Variants in RGS12 observed in about 807,000 individuals in gnomAD.
RGS12 encodes regulator of G protein signaling 12.
A neutral mutation model predicts 120.1 loss-of-function variants in RGS12; 66 were observed. That is an observed-to-expected ratio of 0.55 (90% CI 0.45 to 0.67). The LOEUF is 0.67. Among genes scored for constraint, RGS12 ranks in the 30% least tolerant of loss-of-function variants. RGS12 has a pLI of 0.00. For synonymous variants in RGS12, 827 were observed against 804.7 expected, an observed-to-expected ratio of 1.03 and a Z score of -0.47; for missense variants, 1,859 against 1,957.7, an observed-to-expected ratio of 0.95 and a Z score of 0.95.
chr4:3,420,757 G>T, intron 10 of RGS12, 39 bp downstream of exon 10: 1 of 1,549,046 alleles, frequency 6.5e-7, no homozygotes. Flanking sequence ...GGCCTCAGGG[G>T]TGTCCCCACC....
At position 3,366,020 on chromosome 4, in the gene RGS12, C is replaced by T. The variant is rs1264458582; in HGVS notation, c.1999-20396C>T. 2.0e-5 allele frequency among the ~76,000 whole-genome samples: 3 copies of T among 152,212 alleles called. No individual in the cohort carries two copies. Among genetic ancestry groups the T allele is most frequent in the Non-Finnish European group, 2.9e-5 (2 of 68,008 alleles). On this transcript the variant is annotated intron_variant, in intron 3 of 17. Coordinates refer to ENST00000336727, the MANE Select transcript of RGS12 (RefSeq NM_001394154.1). This position sits in a 1 kb window ranked among gnomAD's most constrained non-coding sequence, Gnocchi z 4.0. ...GTCCTGGATGGGCTGCATGGGGCAC[C>T]GTTGCGTGGGGCGTGCTCGAGGTGG... is the stretch of plus-strand genomic sequence containing the variant.
At chr4:3,327,496 C>T (rs1725631660) in intron 2 of RGS12, among the ~76,000 whole-genome samples, 1 of 152,154 alleles carries the variant, frequency 6.6e-6, no homozygotes, top group African/African-American at 2.4e-5. Flanking sequence ...AGATAGCCTG[C>T]AGGATGGAAG....
chr4:3,334,149 G>A (rs76589168), intron 2 of RGS12, among the ~76,000 whole-genome samples: 5,828 of 152,298 alleles, frequency 0.038, 291 homozygotes, highest in African/African-American at 0.12. Context: ...CTTATGATAT[G>A]TGGAAGTATA....
intron 9 of RGS12, chr4:3,418,956 G>T (rs1316537246): frequency 6.6e-6 from 1 of 150,510 alleles, no homozygotes; most frequent in East Asian, 2.0e-4. Context: ...CGAGGCAGGC[G>T]GATTGCCTGA....
intron 3 of RGS12, among the ~76,000 whole-genome samples, chr4:3,368,976 C>T (rs951071455): frequency 3.3e-5 from 5 of 151,828 alleles, no homozygotes; most frequent in Admixed American, 2.6e-4. Context: ...GAGGCGGGGC[C>T]CTGTCGAGGA....
At chr4:3,407,480 G>C (rs1721278800) in intron 4 of RGS12, 1 of 152,328 alleles carries the variant, frequency 6.6e-6, no homozygotes, top group Non-Finnish European at 1.5e-5. Context: ...TCTGCCGGCT[G>C]ACCCTGGTAT....
rs1722544909 is a variant in RGS12 at position 3,417,538 on chromosome 4, G to A, written c.2758G>A (p.Asp920Asn). ...AAAGAGGGAGCACGGGGACCACGCA[G>A]ACGGTTTGTGGGGTGGCTCCTGGGC... is the stretch of plus-strand genomic sequence containing the variant. ...QKKREHGDHA[D>N]DALHANGGLC... The change falls in exon 9 of 18, where the codon GAC becomes AAC. Residue 920 changes from aspartate to asparagine, a missense_variant. Asp to Asn is a conservative substitution (Grantham distance 23). This residue lies in a region of RGS12 where 375 missense variants were observed against 475.0 expected (regional missense o/e 0.79). Coordinates refer to ENST00000336727, the MANE Select transcript of RGS12 (RefSeq NM_001394154.1). The A allele has an allele frequency of 1.2e-6, 2 of 1,612,610 alleles. No homozygotes were observed. The highest frequency in any genetic ancestry group is 4.5e-5 in the East Asian group (2 of 44,872).
intron 14 of RGS12, among the ~76,000 whole-genome samples, chr4:3,427,667 C>T (rs1320685878): frequency 2.6e-5 from 4 of 151,962 alleles, no homozygotes; most frequent in African/African-American, 4.8e-5. Flanking sequence ...ACCCAGGATG[C>T]GGGGGTTGCA....
At chr4:3,304,876 C>T (rs536621685) in intron 1 of RGS12, among the ~76,000 whole-genome samples, 2 of 152,400 alleles carry the variant, frequency 1.3e-5, no homozygotes, top group South Asian at 2.1e-4. Flanking sequence ...GTGCAGCACA[C>T]TGCGTCTGTA....
intron 17 of RGS12, 115 bp from the exon 18 acceptor site, chr4:3,439,340 A>G (rs1725114004): frequency 2.9e-6 from 3 of 1,049,122 alleles, no homozygotes; most frequent in Admixed American, 1.8e-5. Flanking sequence ...TGTGTTTGGG[A>G]TATTTCAGGG....
chr4:3,402,225 T>C (rs1720659842), intron 4 of RGS12, among the ~76,000 whole-genome samples: 1 of 152,242 alleles, frequency 6.6e-6, no homozygotes, highest in Admixed American at 6.5e-5. Flanking sequence ...TTATTAAAAT[T>C]ATGTGAAGTC....
At chr4:3,434,140 A>C (rs2109255630) in intron 17 of RGS12, among the ~76,000 whole-genome samples, 1 of 152,312 alleles carries the variant, frequency 6.6e-6, no homozygotes, top group South Asian at 2.1e-4. Flanking sequence ...ATGGCTGGGG[A>C]AGCCTCAGGA....
chr4:3,298,340 C>T (rs1225425749), intron 1 of RGS12, among the ~76,000 whole-genome samples: 1 of 152,078 alleles, frequency 6.6e-6, no homozygotes, highest in Non-Finnish European at 1.5e-5. Context: ...TTGTTGATCT[C>T]TTTGATGTTT....
At position 3,365,345 on chromosome 4, in the gene RGS12, G is replaced by A. The variant is rs1383411956; in HGVS notation, c.1999-21071G>A. On this transcript the variant is annotated intron_variant, in intron 3 of 17. Transcript: ENST00000336727. This position sits in a 1 kb window ranked among gnomAD's most constrained non-coding sequence, Gnocchi z 4.0. Reference sequence around the variant, plus strand: ...AGTGCCTACTCTTGGCCCTTTACAGGGAGTCTGGAGGGAGGAGGGAGACAG... The same window carrying A: ...AGTGCCTACTCTTGGCCCTTTACAGAGAGTCTGGAGGGAGGAGGGAGACAG... 1.3e-5 allele frequency among the ~76,000 whole-genome samples: 2 copies of A among 152,126 alleles called. No individual in the cohort carries two copies. Among genetic ancestry groups the A allele is most frequent in the Non-Finnish European group, 2.9e-5 (2 of 68,000 alleles).
Position 3,317,476 on chromosome 4 carries a change from A to C in RGS12, c.1306A>C (p.Asn436His). The change falls in exon 2 of 18, where the codon AAC becomes CAC. Residue 436 changes from asparagine to histidine, a missense_variant. Asn to His is a moderately conservative substitution (Grantham distance 68). This residue lies in a region of RGS12 where 967 missense variants were observed against 994.2 expected (regional missense o/e 0.97). Coordinates refer to ENST00000336727, the MANE Select transcript of RGS12 (RefSeq NM_001394154.1). ...IGNFHQEEKS[N>H]RVLVVDLGGS... ...GAACTTCCACCAGGAGGAGAAGAGC[A>C]ACCGGGTCCTTGTGGTGGACCTGGG... 6.2e-7 allele frequency: 1 copy of C among 1,613,918 alleles called. No individual in the cohort carries two copies. Among genetic ancestry groups the C allele is most frequent in the Non-Finnish European group, 8.5e-7 (1 of 1,180,032 alleles).
intron 3 of RGS12, 98 bp from the exon 4 acceptor site, chr4:3,386,318 C>T (rs1384180857): frequency 1.7e-6 from 2 of 1,185,224 alleles, no homozygotes; most frequent in Non-Finnish European, 2.5e-6. Flanking sequence ...TGAGAACCTC[C>T]CAGAGTCTGC....
intron 1 of RGS12, among the ~76,000 whole-genome samples, chr4:3,294,005 G>T (rs28652734): frequency 0.02 from 401 of 19,764 alleles, 1 homozygote; most frequent in African/African-American, 0.15. Flanking sequence ...AGGGGGCCCA[G>T]AGCCGTGGAG....
chr4:3,335,863 G>T (rs894437605), intron 2 of RGS12, among the ~76,000 whole-genome samples: 1 of 152,144 alleles, frequency 6.6e-6, no homozygotes, highest in Non-Finnish European at 1.5e-5. Flanking sequence ...GCCAAGGCAG[G>T]CCGATCATTT....
chr4:3,414,351 A>G, intron 5 of RGS12, 110 bp downstream of exon 5: 1 of 1,272,740 alleles, frequency 7.9e-7, no homozygotes, highest in Non-Finnish European at 1.1e-6. Context: ...GGCCCTGAGC[A>G]GCCCCGTGGC....
Sources: allele counts gnomAD v4.1 joint callset (sites outside exome capture counted in the v4.1 genomes callset), GRCh38; gene constraint gnomAD v4.1.1; regional missense constraint gnomAD v4.1.1; non-coding constraint Gnocchi (gnomAD v3.1); transcripts MANE v1.5; gene names NCBI Gene and HGNC (gene_info 2026-07-23, HGNC 2026-07-21).